Variants in AMPD1 observed in about 807,000 individuals in gnomAD.
The protein encoded by AMPD1 is adenosine monophosphate deaminase 1, also known as AMP deaminase 1.
AMPD1 carries 74 observed loss-of-function variants against 82.9 expected under a neutral mutation model. The observed-to-expected ratio is 0.89, with a 90% CI of 0.74 to 1.08. The LOEUF (loss-of-function observed/expected upper bound fraction) is 1.08, where lower values mean the gene tolerates loss of function less well. Among genes scored for constraint, AMPD1 ranks in the 50% least tolerant of loss-of-function variants. The pLI is 0.00. For synonymous variants in AMPD1, 333 were observed against 320.5 expected (o/e 1.04, Z -0.42); for missense variants, 881 against 924.5 (o/e 0.95, Z 0.61).
At chr1:114,690,937 G>A (rs1457103600) in intron 2 of AMPD1, among the ~76,000 whole-genome samples, 1 of 152,192 alleles carries the variant, frequency 6.6e-6, no homozygotes, top group Non-Finnish European at 1.5e-5. Context: ...GCCTCAGGAA[G>A]GACAGTATGG....
chr1:114,678,239 G>A (rs1658057642), intron 8 of AMPD1, 94 bp downstream of exon 8: 2 of 1,519,202 alleles, frequency 1.3e-6, no homozygotes, highest in Non-Finnish European at 1.8e-6. Context: ...AAGCCAAGAT[G>A]GTTAAGAGAC....
chr1:114,680,482 T>C lies in AMPD1; in HGVS notation c.548-4A>G. The C allele has an allele frequency of 1.2e-6, 2 of 1,613,416 alleles. No individual in the cohort carries two copies. The highest frequency in any genetic ancestry group is 1.7e-6 in the Non-Finnish European group (2 of 1,179,412). On this transcript the variant is annotated splice_polypyrimidine_tract_variant and splice_region_variant and intron_variant, in intron 5 of 15. Coordinates refer to ENST00000520113, the MANE Select transcript of AMPD1 (RefSeq NM_000036.3). ...TTCTTCACAGGAGGAGTAAAGACTT[T>C]TTCAATCAAACACAGAGTAATATAT...
At chr1:114,682,581 C>CT (rs538227539) in intron 5 of AMPD1, among the ~76,000 whole-genome samples, 15,860 of 141,192 alleles carry the variant, frequency 0.11, 1,428 homozygotes, top group East Asian at 0.48. Flanking sequence ...CTTCAAAAAT[C>CT]TTTTTTTTTT....
At chr1:114,676,777 T>C (rs1439617799) in intron 10 of AMPD1, among the ~76,000 whole-genome samples, 3 of 152,064 alleles carry the variant, frequency 2.0e-5, no homozygotes, top group Non-Finnish European at 4.4e-5. Context: ...AGAAAACATA[T>C]AAACACCCAA....
At chr1:114,681,437 A>G (rs1015941726) in intron 5 of AMPD1, among the ~76,000 whole-genome samples, 5 of 151,920 alleles carry the variant, frequency 3.3e-5, no homozygotes, top group Admixed American at 2.6e-4. Context: ...TCCACTAAAA[A>G]TACGAAAATT....
chr1:114,686,951 A>G (rs749889312), intron 3 of AMPD1, 41 bp from the exon 4 acceptor site: 11 of 1,602,268 alleles, frequency 6.9e-6, no homozygotes, highest in South Asian at 6.6e-5. Context: ...TTTTGTCTTC[A>G]TCAGGCGTTT....
In AMPD1 at chr1:114,673,298, G is replaced by T. The variant is rs370608479; in HGVS notation, c.2086-26C>A. 7 of 1,613,064 alleles carry T rather than the reference G, an allele frequency of 4.3e-6. No individual in the cohort carries two copies. In the South Asian group the frequency reaches 7.7e-5, roughly 18 times the overall value. On this transcript the variant is annotated intron_variant, in intron 15 of 15. Coordinates refer to ENST00000520113, the MANE Select transcript of AMPD1 (RefSeq NM_000036.3). Reference sequence around the variant, plus strand: ...CTATAAGAGAAAAGGATGGCAGAATGATTGTTGTCTCTTTTCACCCTGGTA... The same window carrying T: ...CTATAAGAGAAAAGGATGGCAGAATTATTGTTGTCTCTTTTCACCCTGGTA...
At chr1:114,679,300 T>A (rs949024096) in intron 7 of AMPD1, among the ~76,000 whole-genome samples, 3 of 152,224 alleles carry the variant, frequency 2.0e-5, no homozygotes, top group African/African-American at 7.2e-5. Flanking sequence ...AATTCTAGAA[T>A]GGTCATTTTT....
intron 3 of AMPD1, among the ~76,000 whole-genome samples, chr1:114,688,347 C>G (rs975987179): frequency 2.0e-5 from 3 of 152,138 alleles, no homozygotes; most frequent in African/African-American, 7.2e-5. Flanking sequence ...AGGCTGGTCT[C>G]AAATTCCTGT....
chr1:114,689,991 A>T (rs1658467031), intron 2 of AMPD1, among the ~76,000 whole-genome samples: 1 of 152,164 alleles, frequency 6.6e-6, no homozygotes, highest in African/African-American at 2.4e-5. Context: ...AATAATGACA[A>T]TGGCAAATAG....
At chr1:114,681,423 C>T (rs1459898533) in intron 5 of AMPD1, among the ~76,000 whole-genome samples, 1 of 152,000 alleles carries the variant, frequency 6.6e-6, no homozygotes, top group East Asian at 1.9e-4. Context: ...GGTGAAACCT[C>T]ATCTCCACTA....
In AMPD1 at chr1:114,688,757, A is replaced by T. The variant is rs757062490; in HGVS notation, c.35-16T>A. 6.2e-7 allele frequency: 1 copy of T among 1,614,022 alleles called. No homozygotes were observed. The highest frequency in any genetic ancestry group is 2.2e-5 in the East Asian group (1 of 44,888). ...TCATCAATTTCTAAAAGAGGTTTTC[A>T]CATATTAGTGTTCAAGCCCCTTTTC... On this transcript the variant is annotated splice_polypyrimidine_tract_variant and intron_variant, in intron 2 of 15. Coordinates refer to ENST00000520113, the MANE Select transcript of AMPD1 (RefSeq NM_000036.3).
At chr1:114,678,227 G>T in intron 8 of AMPD1, 106 bp downstream of exon 8, 1 of 1,495,530 alleles carries the variant, frequency 6.7e-7, no homozygotes, top group Non-Finnish European at 9.3e-7. Context: ...AGGCAGCGTG[G>T]TAAGCCAAGA....
chr1:114,674,521 G>A (rs546981862), intron 13 of AMPD1, among the ~76,000 whole-genome samples: 1 of 152,200 alleles, frequency 6.6e-6, no homozygotes, highest in African/African-American at 2.4e-5. Flanking sequence ...TTCTAAGCTA[G>A]AAGTCAGGAG....
At chr1:114,682,463 T>C (rs571419247) in intron 5 of AMPD1, among the ~76,000 whole-genome samples, 10 of 152,272 alleles carry the variant, frequency 6.6e-5, no homozygotes, top group African/African-American at 2.2e-4. Flanking sequence ...AAAACCACTG[T>C]TATGTGTTAC....
At chr1:114,674,715 T>C (rs1265098051) in intron 13 of AMPD1, 37 bp downstream of exon 13, 2 of 1,605,302 alleles carry the variant, frequency 1.2e-6, no homozygotes, top group Admixed American at 1.7e-5. Flanking sequence ...TTCCTCTAGC[T>C]CCAATGTAAA....
intron 10 of AMPD1, 97 bp downstream of exon 10, chr1:114,677,254 T>A: frequency 6.5e-7 from 1 of 1,531,598 alleles, no homozygotes; most frequent in Non-Finnish European, 9.0e-7. Flanking sequence ...AAAGCTGATT[T>A]ATTTCTAGAT....
intron 2 of AMPD1, among the ~76,000 whole-genome samples, chr1:114,692,605 C>T (rs1191466345): frequency 6.6e-6 from 1 of 151,662 alleles, no homozygotes; most frequent in Non-Finnish European, 1.5e-5. Context: ...ATCACTTGAA[C>T]CCAGGAGGCA....
intron 3 of AMPD1, 142 bp downstream of exon 3, chr1:114,688,419 T>C (rs1658382135): frequency 1.0e-6 from 1 of 972,798 alleles, no homozygotes; most frequent in Non-Finnish European, 1.6e-6. Flanking sequence ...TGAGCCACTG[T>C]GCCCAGTCTT....
Sources: allele counts gnomAD v4.1 joint callset (sites outside exome capture counted in the v4.1 genomes callset), GRCh38; gene constraint gnomAD v4.1.1; transcripts MANE v1.5; gene names NCBI Gene and HGNC (gene_info 2026-07-23, HGNC 2026-07-21).